The following HIP1 variants were observed in gnomAD, a reference collection of about 807,000 sequenced individuals.
The protein encoded by HIP1 is huntingtin interacting protein 1, also known as huntingtin-interacting protein 1.
A neutral mutation model predicts 147.6 loss-of-function variants in HIP1; 65 were observed. The ratio of observed to expected loss-of-function variants is 0.44; its 90% CI spans 0.36 to 0.54. HIP1 has a LOEUF of 0.54. HIP1 is among the 20% of genes least tolerant of loss of function. The pLI, the probability that HIP1 is intolerant of heterozygous loss-of-function variation, is 0.00. For synonymous variants in HIP1, 479 were observed against 504.0 expected (o/e 0.95, Z 0.67); for missense variants, 1,061 against 1,299.6 (o/e 0.82, Z 2.82).
intron 1 of HIP1, among the ~76,000 whole-genome samples, chr7:75,653,169 A>T (rs1395233930): frequency 6.6e-6 from 1 of 151,914 alleles, no homozygotes; most frequent in Admixed American, 6.6e-5. Context: ...AACAAATTTG[A>T]TCTCATTAAG....
intron 1 of HIP1, among the ~76,000 whole-genome samples, chr7:75,719,123 G>C (rs1801413120): frequency 6.6e-6 from 1 of 151,888 alleles, no homozygotes; most frequent in Admixed American, 6.6e-5. Context: ...TTCAAGGCCA[G>C]CCTGGGCAAC....
intron 1 of HIP1, among the ~76,000 whole-genome samples, chr7:75,650,453 C>CTTTTTTTTTTTTTTTT (rs782108312): frequency 5.5e-5 from 7 of 126,532 alleles, no homozygotes; most frequent in African/African-American, 1.8e-4. Context: ...GCCCAGTTAT[C>CTTTTTTTTTTTTTTTT]TTTTTTTTTT....
In HIP1 at chr7:75,649,692, C is replaced by G. The variant is rs57233401; in HGVS notation, c.121-50445G>C. On this transcript the variant is annotated intron_variant, in intron 1 of 30. Transcript: ENST00000336926. ...TGTGATGTGTAGCCAAGACTATGAACAACTGAACAACCACAGCCAGGACTC... is the reference window on the plus strand; with the variant it reads ...TGTGATGTGTAGCCAAGACTATGAAGAACTGAACAACCACAGCCAGGACTC... Among the ~76,000 whole-genome samples, 240 of 152,234 alleles carry G rather than the reference C, an allele frequency of 1.6e-3. 3 individuals are homozygous for G. The highest frequency in any genetic ancestry group is 5.5e-3 in the African/African-American group (229 of 41,540).
chr7:75,664,163 T>G (rs1484062874), intron 1 of HIP1, among the ~76,000 whole-genome samples: 1 of 64,312 alleles, frequency 1.6e-5, no homozygotes, highest in South Asian at 4.1e-4. Context: ...TGTGTGTATA[T>G]TTACATACAT....
intron 1 of HIP1, among the ~76,000 whole-genome samples, chr7:75,710,022 C>T (rs1801123612): frequency 6.6e-6 from 1 of 152,140 alleles, no homozygotes; most frequent in Admixed American, 6.6e-5. Context: ...CAGGCGCATG[C>T]TACCATGCCC....
intron 1 of HIP1, among the ~76,000 whole-genome samples, chr7:75,714,641 T>C (rs1401526801): frequency 2.6e-5 from 4 of 151,706 alleles, no homozygotes; most frequent in Admixed American, 6.6e-5. Flanking sequence ...TTAGCAGAGA[T>C]GGGGTTTCAC....
At chr7:75,699,740 C>G (rs782578559) in intron 1 of HIP1, among the ~76,000 whole-genome samples, 6 of 152,218 alleles carry the variant, frequency 3.9e-5, no homozygotes, top group Non-Finnish European at 8.8e-5. Flanking sequence ...CTACCAGACC[C>G]TGAAGGTGGG....
At chr7:75,718,841 C>A (rs555919783) in intron 1 of HIP1, among the ~76,000 whole-genome samples, 2 of 152,340 alleles carry the variant, frequency 1.3e-5, no homozygotes, top group African/African-American at 2.4e-5. Context: ...CCCAGTAATT[C>A]TTTCCGTGGT....
At chr7:75,665,216 C>G (rs1584933767) in intron 1 of HIP1, among the ~76,000 whole-genome samples, 3 of 152,038 alleles carry the variant, frequency 2.0e-5, no homozygotes, top group Non-Finnish European at 4.4e-5. Flanking sequence ...GAGCTATGAT[C>G]AAGCCACTGC....
chr7:75,670,918 G>A (rs782715606), intron 1 of HIP1, among the ~76,000 whole-genome samples: 5 of 150,394 alleles, frequency 3.3e-5, no homozygotes, highest in Admixed American at 2.0e-4. Context: ...CACCGCGCCC[G>A]GTCTCACCAG....
chr7:75,677,682 TA>T (rs1253398012), intron 1 of HIP1, among the ~76,000 whole-genome samples: 1 of 150,666 alleles, frequency 6.6e-6, no homozygotes, highest in Non-Finnish European at 1.5e-5. Flanking sequence ...ACAGAATGAC[TA>T]TTCTCTGTTG....
intron 1 of HIP1, among the ~76,000 whole-genome samples, chr7:75,646,618 T>C (rs1554511146): frequency 2.0e-5 from 3 of 152,206 alleles, no homozygotes; most frequent in African/African-American, 4.8e-5. Flanking sequence ...CGCCTGCCTG[T>C]TCCTTGCTTC....
chr7:75,547,106 A>C (rs1163562258), intron 24 of HIP1, 74 bp from the exon 25 acceptor site: 5 of 1,247,592 alleles, frequency 4.0e-6, no homozygotes, highest in Non-Finnish European at 5.7e-6. Flanking sequence ...TCTCTTCCCC[A>C]CTCCTAGCCA....
chr7:75,725,820 A>G (rs1801632061), intron 1 of HIP1, among the ~76,000 whole-genome samples: 2 of 123,416 alleles, frequency 1.6e-5, no homozygotes, highest in South Asian at 2.7e-4. Context: ...TGCATGTGCT[A>G]TGCATTTTTT....
intron 1 of HIP1, among the ~76,000 whole-genome samples, chr7:75,653,049 G>T (rs1456790274): frequency 6.6e-6 from 1 of 152,084 alleles, no homozygotes; most frequent in African/African-American, 2.4e-5. Flanking sequence ...AACAATATAT[G>T]TGGGTGTGTC....
At chr7:75,636,226 C>T (rs1798424198) in intron 1 of HIP1, among the ~76,000 whole-genome samples, 2 of 151,562 alleles carry the variant, frequency 1.3e-5, no homozygotes, top group South Asian at 4.2e-4. Flanking sequence ...GGGCGCGCGC[C>T]TGTAGTCCCA....
At chr7:75,670,803 G>GTTTTTTTTTTTTT (rs1799710156) in intron 1 of HIP1, among the ~76,000 whole-genome samples, 2 of 35,196 alleles carry the variant, frequency 5.7e-5, no homozygotes, top group Non-Finnish European at 1.2e-4. Flanking sequence ...TTTTTTTTTG[G>GTTTTTTTTTTTTT]TAGAGATAGG....
chr7:75,561,808 A>AT (rs1554494594), intron 12 of HIP1, among the ~76,000 whole-genome samples: 1 of 151,984 alleles, frequency 6.6e-6, no homozygotes, highest in Non-Finnish European at 1.5e-5. Flanking sequence ...TGCCCAGCTA[A>AT]TTTTTTTACT....
chr7:75,719,291 T>C (rs1801422835), intron 1 of HIP1, among the ~76,000 whole-genome samples: 1 of 151,782 alleles, frequency 6.6e-6, no homozygotes, highest in Non-Finnish European at 1.5e-5. Flanking sequence ...GATCATGAGG[T>C]CAGGAGATCA....
Sources: allele counts gnomAD v4.1 joint callset (sites outside exome capture counted in the v4.1 genomes callset), GRCh38; gene constraint gnomAD v4.1.1; transcripts MANE v1.5; gene names NCBI Gene and HGNC (gene_info 2026-07-23, HGNC 2026-07-21).